The following ZNF462 variants were observed in gnomAD, a reference collection of about 807,000 sequenced individuals.
The protein encoded by ZNF462 is zinc finger PBX1-interacting protein.
In ZNF462, 10 loss-of-function variants were observed where a neutral mutation model predicts 201.9. That is an observed-to-expected ratio of 0.05 (90% CI 0.03 to 0.08). ZNF462 has a LOEUF of 0.08. Among genes scored for constraint, ZNF462 ranks in the 10% least tolerant of loss-of-function variants. The pLI is 1.00. For missense variants in ZNF462, 2,523 were observed against 3,168.3 expected, an observed-to-expected ratio of 0.80 and a Z score of 4.89; for synonymous variants, 1,227 against 1,193.3, an observed-to-expected ratio of 1.03 and a Z score of -0.58.
At chr9:106,936,599 T>C (rs1830642972) in intron 6 of ZNF462, among the ~76,000 whole-genome samples, 1 of 152,180 alleles carries the variant, frequency 6.6e-6, no homozygotes, top group Non-Finnish European at 1.5e-5. Flanking sequence ...TTCTCTATCT[T>C]TTTGTATTTT....
intron 1 of ZNF462, among the ~76,000 whole-genome samples, chr9:106,887,240 AC>A (rs1317593192): frequency 6.6e-6 from 1 of 152,080 alleles, no homozygotes; most frequent in Non-Finnish European, 1.5e-5. Flanking sequence ...GTATTGTCTA[AC>A]CCTGATAAGG....
chr9:106,949,043 C>T (rs1421102915), intron 7 of ZNF462, among the ~76,000 whole-genome samples: 1 of 152,108 alleles, frequency 6.6e-6, no homozygotes, highest in African/African-American at 2.4e-5. Context: ...TATTGGTGAA[C>T]AGTTCTTAAA....
Position 106,926,600 on chromosome 9 carries a change from C to T in ZNF462, c.2688C>T (p.Thr896=). 1 of 1,614,092 alleles carries T rather than the reference C, an allele frequency of 6.2e-7. No individual in the cohort carries two copies. The highest frequency in any genetic ancestry group is 1.6e-4 in the Middle Eastern group (1 of 6,062). The change falls in exon 3 of 13, where the codon ACC becomes ACT. Residue 896 remains threonine, a synonymous_variant. Transcript: ENST00000277225. This position sits in a 1 kb window ranked among gnomAD's most constrained non-coding sequence, Gnocchi z 7.9. The part of the protein sequence containing the change: ...YRCLECYIDY[T]NFEDLQQHYG... ...GCCTGGAATGCTACATCGATTACAC[C>T]AACTTCGAAGATCTCCAGCAGCATT...
In ZNF462 at chr9:106,974,192, C is replaced by T. The variant is rs1826820158; in HGVS notation, c.6751C>T (p.Pro2251Ser). ...GCACTCAGCAGTTCCCGAGGAGGGC[C>T]CCAAAGATCTTCGCTGTCCTCTCTG... ...AGHSAVPEEG[P>S]KDLRCPLCLY... Residue 2251 changes from proline (P) to serine (S), a missense_variant, in exon 9 of 13, where the codon CCC becomes TCC. Physicochemically the swap from Pro to Ser is moderately conservative, Grantham distance 74. Transcript: ENST00000277225. This position sits in a 1 kb window ranked among gnomAD's most constrained non-coding sequence, Gnocchi z 4.0. 6.2e-7 allele frequency: 1 copy of T among 1,614,094 alleles called. No homozygotes were observed. The highest frequency in any genetic ancestry group is 1.1e-5 in the South Asian group (1 of 91,072).
rs1285866901 is a variant in ZNF462 at position 106,978,635 on chromosome 9, AGTGGT to A, written c.6832+4363_6832+4367del. 3.3e-5 allele frequency: 5 copies of A among 151,962 alleles called. No homozygotes were observed. Among genetic ancestry groups the A allele is most frequent in the African/African-American group, 1.2e-4 (5 of 40,960 alleles). 9.4% of individuals were successfully genotyped at this position (151,962 alleles called of 1,614,324 possible). On this transcript the variant is annotated intron_variant, in intron 9 of 12. Transcript: ENST00000277225. The surrounding 1 kb of genome is among the most constrained non-coding windows in gnomAD (Gnocchi z 4.1). ...GAACTTCTCTTTCAAGGATGAAGTC[AGTGGT>A]AGGACTTTTGGTAGGTTTTCATTCA...
rs377626146 is a variant in ZNF462 at position 106,868,742 on chromosome 9, C to T, written c.-31+5387C>T. On this transcript the variant is annotated intron_variant, in intron 1 of 12. Coordinates refer to ENST00000277225, the MANE Select transcript of ZNF462 (RefSeq NM_021224.6). ...ACCGAGCCAGGCCTAGAACTCAGGT[C>T]GGCCGACTCCAGCCTAGTGCCCTTT... 2.1e-4 allele frequency among the ~76,000 whole-genome samples: 32 copies of T among 152,244 alleles called. 1 individual carries two copies. Among genetic ancestry groups the T allele is most frequent in the African/African-American group, 7.7e-4 (32 of 41,552 alleles).
rs143250002 is a variant in ZNF462, at chr9:106,870,147, G to A, written c.-31+6792G>A. ...TATTTTCACGGCTTAGAAGGACAAA[G>A]GATAGAGTGGTGTGGTGTGAGGAGG... On this transcript the variant is annotated intron_variant, in intron 1 of 12. Coordinates refer to ENST00000277225, the MANE Select transcript of ZNF462 (RefSeq NM_021224.6). The surrounding 1 kb of genome is among the most constrained non-coding windows in gnomAD (Gnocchi z 4.3). 4.6e-5 allele frequency among the ~76,000 whole-genome samples: 7 copies of A among 152,308 alleles called. No individual in the cohort carries two copies. The East Asian group carries it at 1.3e-3, about 29-fold the overall frequency.
In ZNF462 at chr9:106,984,077, C is replaced by T. The variant is rs1363540421; in HGVS notation, c.6833-109C>T. 1 of 996,456 alleles carries T rather than the reference C, an allele frequency of 1.0e-6. No individual in the cohort carries two copies. The highest frequency in any genetic ancestry group is 1.6e-5 in the African/African-American group (1 of 62,094). The allele number at this position is 996,456 out of a possible 1,614,324, so 61.7% of individuals were successfully genotyped here. A position where few individuals can be genotyped will look rare whatever the true frequency, so the allele number is the denominator to read the frequency against. ...TGTGTGTCAGTTCAAGGAACCAGAT[C>T]CACGAGGAGCAGCAAGATTGGGTGA... On this transcript the variant is annotated intron_variant, in intron 9 of 12. Transcript: ENST00000277225. The surrounding 1 kb of genome is among the most constrained non-coding windows in gnomAD (Gnocchi z 6.4).
rs1053977210 is a variant in ZNF462 at position 106,902,452 on chromosome 9, G to C, written c.-30-20902G>C. On this transcript the variant is annotated intron_variant, in intron 1 of 12. Transcript: ENST00000277225. This position sits in a 1 kb window ranked among gnomAD's most constrained non-coding sequence, Gnocchi z 4.2. ...GGATTCATAGAATGAATTAGGGAGGGTTCTCTCTCTCTCTCTGTCTTGTGG... is the reference window on the plus strand; with the variant it reads ...GGATTCATAGAATGAATTAGGGAGGCTTCTCTCTCTCTCTCTGTCTTGTGG... Among the ~76,000 whole-genome samples, 1 of 151,832 alleles carries C rather than the reference G, an allele frequency of 6.6e-6. No individual in the cohort carries two copies. The highest frequency in any genetic ancestry group is 1.5e-5 in the Non-Finnish European group (1 of 67,948).
rs1831437431 is a variant in ZNF462 at position 106,953,370 on chromosome 9, G to A, written c.6427+14263G>A. On this transcript the variant is annotated intron_variant, in intron 7 of 12. Coordinates refer to ENST00000277225, the MANE Select transcript of ZNF462 (RefSeq NM_021224.6). Reference sequence around the variant, plus strand: ...CTTGCAGCATGACCTTGATCCCTATGACTATAATGAAATAGCTTTCACAAG... The same window carrying A: ...CTTGCAGCATGACCTTGATCCCTATAACTATAATGAAATAGCTTTCACAAG... 3.3e-5 allele frequency among the ~76,000 whole-genome samples: 5 copies of A among 152,124 alleles called. No homozygotes were observed. The South Asian group carries it at 1.0e-3, about 32-fold the overall frequency.
intron 1 of ZNF462, among the ~76,000 whole-genome samples, chr9:106,869,745 G>A (rs1457369990): frequency 6.6e-6 from 1 of 152,156 alleles, no homozygotes; most frequent in African/African-American, 2.4e-5. Context: ...TTGCATGCCA[G>A]TACTAAAGGA....
intron 7 of ZNF462, among the ~76,000 whole-genome samples, chr9:106,955,516 T>C (rs903606628): frequency 2.0e-5 from 3 of 152,136 alleles, no homozygotes; most frequent in East Asian, 1.9e-4. Context: ...TTGCTGAGGA[T>C]TGGGAGTAGC....
chr9:106,977,460 A>C lies in ZNF462; in HGVS notation c.6832+3187A>C, dbSNP rs1381873269. On this transcript the variant is annotated intron_variant, in intron 9 of 12. Transcript: ENST00000277225. The surrounding 1 kb of genome is among the most constrained non-coding windows in gnomAD (Gnocchi z 4.6). ...TTGCTTTTTGTCTGTATAAATTGAT[A>C]TATTTAAGTAGAGAGAGAATCTACT... Among the ~76,000 whole-genome samples the C allele has an allele frequency of 6.6e-6, 1 of 151,676 alleles. No homozygotes were observed. The highest frequency in any genetic ancestry group is 1.5e-5 in the Non-Finnish European group (1 of 68,042).
intron 10 of ZNF462, among the ~76,000 whole-genome samples, chr9:106,990,679 T>C (rs186413438): frequency 1.3e-5 from 2 of 152,168 alleles, no homozygotes; most frequent in Admixed American, 1.3e-4. Flanking sequence ...TAATTGAAGC[T>C]AAAGAATTGC....
At chr9:106,958,293 A>T (rs1831671233) in intron 7 of ZNF462, among the ~76,000 whole-genome samples, 2 of 152,094 alleles carry the variant, frequency 1.3e-5, no homozygotes, top group Non-Finnish European at 1.5e-5. Context: ...TCCCTGCTTA[A>T]AGCCCTTCCG....
At chr9:106,864,072 C>G (rs553685525) in intron 1 of ZNF462, among the ~76,000 whole-genome samples, 1,953 of 124,876 alleles carry the variant, frequency 0.016, no homozygotes, top group Non-Finnish European at 0.026. Context: ...CTCTCTCTCT[C>G]TCTCTCTCTC....
In ZNF462 at chr9:106,927,887, C is replaced by T. The variant is rs758637793; in HGVS notation, c.3975C>T (p.Asn1325=). 1.2e-5 allele frequency: 19 copies of T among 1,614,098 alleles called. No homozygotes were observed. The highest frequency in any genetic ancestry group is 1.6e-4 in the Middle Eastern group (1 of 6,084). ...EWCIYSHTEP[N]GLLLHYQRRH... is the part of the protein sequence containing the mutation. ...GCATCTACTCCCATACGGAGCCCAA[C>T]GGTTTGCTCCTGCATTACCAACGGA... Residue 1325 remains asparagine (N), a synonymous_variant, in exon 3 of 13, where the codon AAC becomes AAT. Coordinates refer to ENST00000277225, the MANE Select transcript of ZNF462 (RefSeq NM_021224.6).
rs1312103412 is a variant in ZNF462 at position 106,863,253 on chromosome 9, C to G, written c.-133C>G. 2.5e-6 allele frequency: 1 copy of G among 399,082 alleles called. No individual in the cohort carries two copies. The highest frequency in any genetic ancestry group is 2.1e-5 in the African/African-American group (1 of 48,616). 24.7% of individuals were successfully genotyped at this position (399,082 alleles called of 1,614,324 possible). ...AGCACATGAGACTCCCAAACAACTT[C>G]CACAACAATAACCCGAGCAGGAAGA... is the stretch of plus-strand genomic sequence containing the variant. On this transcript the variant is annotated 5_prime_UTR_variant, in exon 1 of 13. Transcript: ENST00000277225.
At position 106,926,480 on chromosome 9, in the gene ZNF462, G is replaced by A. The variant is rs200449885; in HGVS notation, c.2568G>A (p.Arg856=). Residue 856 remains arginine (R), a synonymous_variant, in exon 3 of 13, where the codon CGG becomes CGA. Coordinates refer to ENST00000277225, the MANE Select transcript of ZNF462 (RefSeq NM_021224.6). The surrounding 1 kb of genome is among the most constrained non-coding windows in gnomAD (Gnocchi z 7.9). The part of the protein sequence containing the change: ...KHCDFNNKSA[R]SVSTHYQRMH... ...GTGACTTTAACAACAAATCTGCCCG[G>A]AGTGTTAGCACCCACTACCAACGAA... is the stretch of plus-strand genomic sequence containing the variant. 2 of 1,614,096 alleles carry A rather than the reference G, an allele frequency of 1.2e-6. No homozygotes were observed. The highest frequency in any genetic ancestry group is 2.2e-5 in the East Asian group (1 of 44,874).
Sources: allele counts gnomAD v4.1 joint callset (sites outside exome capture counted in the v4.1 genomes callset), GRCh38; gene constraint gnomAD v4.1.1; non-coding constraint Gnocchi (gnomAD v3.1); transcripts MANE v1.5; gene names NCBI Gene and HGNC (gene_info 2026-07-23, HGNC 2026-07-21).